Variants in OBSL1 observed in about 807,000 individuals in gnomAD.
The protein encoded by OBSL1 is obscurin-like protein 1.
In OBSL1, 160 loss-of-function variants were observed where a neutral mutation model predicts 172.0. The observed-to-expected ratio is 0.93, with a 90% CI of 0.82 to 1.06. The LOEUF (loss-of-function observed/expected upper bound fraction) is 1.06, where lower values mean the gene tolerates loss of function less well. Ranked by LOEUF, OBSL1 falls within the 50% of genes least tolerant of loss-of-function variation. The pLI, the probability that OBSL1 is intolerant of heterozygous loss-of-function variation, is 0.00. For synonymous variants in OBSL1, 1,200 were observed against 1,196.3 expected (o/e 1.00, Z -0.06); for missense variants, 2,681 against 2,715.4 (o/e 0.99, Z 0.28).
intron 3 of OBSL1, 33 bp from the exon 4 acceptor site, chr2:219,567,608 G>A (rs189603236): frequency 3.1e-6 from 5 of 1,596,900 alleles, no homozygotes; most frequent in Non-Finnish European, 4.3e-6. Context: ...TTCCGGCCTT[G>A]CTTGGGCCTC....
chr2:219,552,289 G>T, intron 18 of OBSL1, 73 bp from the exon 19 acceptor site: 1 of 1,378,376 alleles, frequency 7.3e-7, no homozygotes. Flanking sequence ...TGGGGGCCCA[G>T]CAGGCCCCTG....
downstream of OBSL1, chr2:219,549,012 G>A (rs1354870430): frequency 3.5e-6 from 3 of 851,800 alleles, no homozygotes; most frequent in Non-Finnish European, 5.6e-6. Flanking sequence ...ACCAGGAAAG[G>A]AAGTGACAGG....
chr2:219,554,291 G>C, intron 15 of OBSL1, 183 bp downstream of exon 15: 1 of 716,232 alleles, frequency 1.4e-6, no homozygotes, highest in Non-Finnish European at 2.3e-6. Flanking sequence ...CCCAGGCAGA[G>C]GACTCTGGGG....
chr2:219,554,416 C>G, intron 15 of OBSL1, 58 bp downstream of exon 15: 1 of 1,588,156 alleles, frequency 6.3e-7, no homozygotes, highest in Non-Finnish European at 8.6e-7. Flanking sequence ...AGTATTCATG[C>G]CTGGGGTAAG....
At chr2:219,565,782 T>G (rs1487603388) in intron 5 of OBSL1, among the ~76,000 whole-genome samples, 2 of 152,186 alleles carry the variant, frequency 1.3e-5, no homozygotes, top group Admixed American at 6.5e-5. Flanking sequence ...GTCAGTGAAC[T>G]GGGATCCCAT....
rs1448408032 is a variant in OBSL1 at position 219,570,486 on chromosome 2, C to T, written c.747G>A (p.Lys249=). Residue 249 remains lysine (K), a synonymous_variant, in exon 1 of 21, where the codon AAG becomes AAA. Coordinates refer to ENST00000404537, the MANE Select transcript of OBSL1 (RefSeq NM_015311.3). ...EAPAPVVEPL[K]CAPKTFWVNE... is the part of the protein sequence containing the mutation. ...TCACCCAGAAGGTCTTAGGCGCGCACTTGAGCGGCTCCACCACCGGCGCGG... is the reference window on the plus strand; with the variant it reads ...TCACCCAGAAGGTCTTAGGCGCGCATTTGAGCGGCTCCACCACCGGCGCGG... The T allele has an allele frequency of 2.5e-6, 4 of 1,612,402 alleles. No homozygotes were observed. The highest frequency in any genetic ancestry group is 3.4e-6 in the Non-Finnish European group (4 of 1,179,502).
At position 219,558,028 on chromosome 2, in the gene OBSL1, A is replaced by C; in HGVS notation, c.3585T>G (p.Cys1195Trp). The C allele has an allele frequency of 6.2e-7, 1 of 1,613,340 alleles. No individual in the cohort carries two copies. Among genetic ancestry groups the C allele is most frequent in the South Asian group, 1.1e-5 (1 of 91,076 alleles). Residue 1195 changes from cysteine (C) to tryptophan (W), a missense_variant, in exon 11 of 21, where the codon TGT (cysteine) becomes TGG (tryptophan). Physicochemically the swap from Cys to Trp is radical, Grantham distance 215. This residue lies in a region of OBSL1 where 1,765 missense variants were observed against 1,748.3 expected (regional missense o/e 1.01). Coordinates refer to ENST00000404537, the MANE Select transcript of OBSL1 (RefSeq NM_015311.3). ...VAPGEPVVLS[C>W]ELSRAGAPVV... ...CGGGGGCGCCAGCCCGGGACAGTTC[A>C]CAGCTCAGCACCACTGGCTCCCCAG...
chr2:219,560,269 A>G (rs1420545585), intron 8 of OBSL1, among the ~76,000 whole-genome samples: 1 of 152,210 alleles, frequency 6.6e-6, no homozygotes, highest in Non-Finnish European at 1.5e-5. Context: ...CCCTCTGTTA[A>G]AGGGAGGCTC....
Position 219,563,448 on chromosome 2 carries a change from G to C in OBSL1, c.2587C>G (p.Arg863Gly), listed in dbSNP as rs765280401. Reference sequence around the variant, plus strand: ...GGCTGGGTGGCGGGCAGCACCAGGCGGCGATGGGGCCCCTCATTCTCCAGC... The same window carrying C: ...GGCTGGGTGGCGGGCAGCACCAGGCCGCGATGGGGCCCCTCATTCTCCAGC... ...VVLENEGPHR[R>G]LVLPATQPSD... is the part of the protein sequence containing the mutation. The change falls in exon 7 of 21, where the codon CGC becomes GGC. Residue 863 changes from arginine to glycine, a missense_variant. Arg to Gly is a moderately radical substitution (Grantham distance 125). This residue lies in a region of OBSL1 where 1,765 missense variants were observed against 1,748.3 expected (regional missense o/e 1.01). Transcript: ENST00000404537. The C allele has an allele frequency of 1.9e-6, 3 of 1,613,680 alleles. No individual in the cohort carries two copies. In the African/African-American group the frequency reaches 4.0e-5, roughly 22 times the overall value.
Position 219,556,202 on chromosome 2 carries a change from C to G in OBSL1, c.4427G>C (p.Gly1476Ala). The G allele has an allele frequency of 6.2e-7, 1 of 1,611,384 alleles. No individual in the cohort carries two copies. Residue 1476 changes from glycine (G) to alanine (A), a missense_variant, in exon 14 of 21, where the codon GGT (glycine) becomes GCT (alanine). Physicochemically the swap from Gly to Ala is moderately conservative, Grantham distance 60. Around this residue, in one of 5 missense-constraint regions of OBSL1, gnomAD observed 1,765 missense variants for 1,748.3 expected, o/e 1.01. Transcript: ENST00000404537. ...CACCCAGCGCACGGCCCCCGCTGCA[C>G]CCACTCGGCCTGTCTCCACTTCGAG... Reference protein sequence around the residue: ...VCLEVETGRVGAAGAVRWVRG... With the variant: ...VCLEVETGRVAAAGAVRWVRG...
At position 219,568,072 on chromosome 2, in the gene OBSL1, G is replaced by A. The variant is rs747701131; in HGVS notation, c.1265C>T (p.Ala422Val). 4.3e-6 allele frequency: 7 copies of A among 1,609,820 alleles called. No individual in the cohort carries two copies. The South Asian group carries it at 5.5e-5, about 13-fold the overall frequency. The change falls in exon 2 of 21, where the codon GCC becomes GTC. Residue 422 changes from alanine (A) to valine (V), a missense_variant. Physicochemically the swap from Ala to Val is moderately conservative, Grantham distance 64. This residue lies in a region of OBSL1 where 706 missense variants were observed against 695.8 expected (regional missense o/e 1.01). Transcript: ENST00000404537. This position sits in a 1 kb window ranked among gnomAD's most constrained non-coding sequence, Gnocchi z 4.1. ...CEMRGRVRTV[A>V]NVTVKGPILK... ...CAGCTGACCTTTGACTGTGACGTTGGCCACGGTGCGCACCCGGCCCCGCAT... is the reference window on the plus strand; with the variant it reads ...CAGCTGACCTTTGACTGTGACGTTGACCACGGTGCGCACCCGGCCCCGCAT...
intron 8 of OBSL1, chr2:219,561,973 G>A (rs1377020568): frequency 1.4e-6 from 1 of 717,624 alleles, no homozygotes; most frequent in Non-Finnish European, 2.6e-6. Context: ...CATAACTCCG[G>A]ATTGTTATTT....
intron 20 of OBSL1, 187 bp from the exon 21 acceptor site, chr2:219,551,029 G>A (rs917742771): frequency 1.4e-5 from 20 of 1,463,128 alleles, no homozygotes; most frequent in African/African-American, 7.1e-5. Flanking sequence ...GGGGCACAGC[G>A]CGGCACCTGA....
downstream of OBSL1, chr2:219,549,129 C>G (rs1365907836): frequency 1.2e-6 from 2 of 1,613,394 alleles, no homozygotes; most frequent in African/African-American, 2.7e-5. Flanking sequence ...CTCTGAGCTC[C>G]TTCTCTACCC....
intron 17 of OBSL1, 54 bp downstream of exon 17, chr2:219,552,814 C>T: frequency 2.0e-6 from 3 of 1,534,420 alleles, no homozygotes; most frequent in Non-Finnish European, 2.6e-6. Flanking sequence ...GAAGACAGCT[C>T]CGCAAGTCTC....
chr2:219,558,345 C>T lies in OBSL1; in HGVS notation c.3341G>A (p.Trp1114Ter), dbSNP rs560246798. The change falls in exon 10 of 21, where the codon TGG becomes TAG. Residue 1114 changes from tryptophan (W) to a stop codon, truncating the protein, a stop_gained. Coordinates refer to ENST00000404537, the MANE Select transcript of OBSL1 (RefSeq NM_015311.3). LOFTEE classifies it high-confidence loss of function. ...CTCCACTTCCAGCCCGTCCTTGTACCAGCGCACCTGAGACCCAGCTGGGGC... is the reference window on the plus strand; with the variant it reads ...CTCCACTTCCAGCCCGTCCTTGTACTAGCGCACCTGAGACCCAGCTGGGGC... ...EVAPAGSQVRWYKDGLEVEAS... is the reference protein window; with the variant it reads ...EVAPAGSQVR 59 of 1,612,542 alleles carry T rather than the reference C, an allele frequency of 3.7e-5. No individual in the cohort carries two copies. The East Asian group carries it at 1.3e-3, about 35-fold the overall frequency.
In OBSL1 at chr2:219,567,700, AGG is replaced by A; in HGVS notation, c.1534+16_1534+17del. The A allele has an allele frequency of 3.1e-6, 5 of 1,602,350 alleles. No individual in the cohort carries two copies. Among genetic ancestry groups the A allele is most frequent in the Non-Finnish European group, 4.3e-6 (5 of 1,170,818 alleles). ...CTCCTGCCCTGCCTCGCCTGTCCAG[AGG>A]CCTTCCTGCCCTCACATTTTACTCT... On this transcript the variant is annotated intron_variant, in intron 3 of 20. Transcript: ENST00000404537.
At chr2:219,550,700 C>T (rs1695553861), downstream of OBSL1, 6 of 1,234,372 alleles carry the variant, frequency 4.9e-6, no homozygotes, top group East Asian at 2.6e-5. Flanking sequence ...AGGTCTGCCC[C>T]CCCACATCAC....
At chr2:219,561,736 T>C (rs1574552496) in intron 8 of OBSL1, 6 of 637,792 alleles carry the variant, frequency 9.4e-6, no homozygotes, top group Admixed American at 2.4e-5. Flanking sequence ...TTTATTTGCA[T>C]GTTTATTGGT....
Sources: gnomAD v4.1 joint callset for allele counts (sites outside exome capture counted in the v4.1 genomes callset) on GRCh38, gnomAD v4.1.1 for gene constraint, gnomAD v4.1.1 regional missense constraint, Gnocchi (gnomAD v3.1) non-coding constraint, MANE v1.5 for transcripts, NCBI Gene and HGNC (gene_info 2026-07-23, HGNC 2026-07-21) for gene names.